Variants in CCDC102B observed in about 807,000 individuals in gnomAD.
CCDC102B encodes the protein coiled-coil domain containing 102B, also known as coiled-coil domain-containing protein 102B.
Under a neutral mutation model 57.4 loss-of-function variants are expected in CCDC102B, and 75 were observed. The ratio of observed to expected loss-of-function variants is 1.31; its 90% CI spans 1.08 to 1.58. The LOEUF is 1.58. CCDC102B is among the 40% of genes most tolerant of loss of function. The pLI is 0.00. For missense variants in CCDC102B, 636 were observed against 582.6 expected, an observed-to-expected ratio of 1.09 and a Z score of -0.94; for synonymous variants, 206 against 201.9, an observed-to-expected ratio of 1.02 and a Z score of -0.17.
intron 2 of CCDC102B, among the ~76,000 whole-genome samples, chr18:68,722,319 A>C (rs929822284): frequency 2.0e-5 from 3 of 152,208 alleles, no homozygotes; most frequent in African/African-American, 7.2e-5. Context: ...TAAATGGTCA[A>C]CTGAAGCTGC....
At chr18:68,837,906 A>C (rs563879238) in intron 2 of CCDC102B, among the ~76,000 whole-genome samples, 2 of 152,332 alleles carry the variant, frequency 1.3e-5, no homozygotes, top group East Asian at 1.9e-4. Flanking sequence ...GATGATTGCA[A>C]TGCTCATTCT....
intron 6 of CCDC102B, among the ~76,000 whole-genome samples, chr18:68,954,113 T>C (rs1456591189): frequency 6.6e-6 from 1 of 152,054 alleles, no homozygotes; most frequent in Non-Finnish European, 1.5e-5. Flanking sequence ...CATAGATCAA[T>C]TATCCTGTGT....
chr18:69,007,021 G>C (rs986934623), intron 6 of CCDC102B, among the ~76,000 whole-genome samples: 1 of 152,082 alleles, frequency 6.6e-6, no homozygotes, highest in Non-Finnish European at 1.5e-5. Flanking sequence ...AGAGAGAGAA[G>C]GTATGTGAAG....
At chr18:68,885,714 C>G (rs147352733) in intron 5 of CCDC102B, among the ~76,000 whole-genome samples, 439 of 152,088 alleles carry the variant, frequency 2.9e-3, no homozygotes, top group Admixed American at 4.8e-3. Flanking sequence ...CAAAAATTAT[C>G]AACTTCTGTA....
intron 7 of CCDC102B, among the ~76,000 whole-genome samples, chr18:69,029,379 G>A (rs1046320653): frequency 3.3e-5 from 5 of 152,074 alleles, no homozygotes; most frequent in African/African-American, 9.7e-5. Context: ...ATCTTTTAAA[G>A]GACACTTTTT....
chr18:68,958,027 A>T (rs1328645352), intron 6 of CCDC102B, among the ~76,000 whole-genome samples: 1 of 152,190 alleles, frequency 6.6e-6, no homozygotes, highest in Non-Finnish European at 1.5e-5. Flanking sequence ...GGGAGGCCTC[A>T]CAATCATGGC....
At chr18:68,868,024 C>A (rs2039079010) in intron 4 of CCDC102B, among the ~76,000 whole-genome samples, 1 of 151,942 alleles carries the variant, frequency 6.6e-6, no homozygotes, top group African/African-American at 2.4e-5. Context: ...AAAATCCAGA[C>A]AATTATCATT....
chr18:68,888,146 T>A (rs973108031), intron 5 of CCDC102B, among the ~76,000 whole-genome samples: 6 of 152,186 alleles, frequency 3.9e-5, no homozygotes, highest in African/African-American at 1.2e-4. Flanking sequence ...ATACTTTTTT[T>A]AAAGAACATA....
chr18:68,936,462 T>C (rs1408507544), intron 6 of CCDC102B, among the ~76,000 whole-genome samples: 1 of 152,020 alleles, frequency 6.6e-6, no homozygotes, highest in Non-Finnish European at 1.5e-5. Flanking sequence ...AGCCCCTTGG[T>C]ATAGAAGGAA....
chr18:68,741,294 A>AG (rs1251662173), intron 2 of CCDC102B, among the ~76,000 whole-genome samples: 3 of 152,226 alleles, frequency 2.0e-5, no homozygotes, highest in African/African-American at 7.2e-5. Flanking sequence ...CAGGCAGGAC[A>AG]GGGGGTCAAG....
At chr18:68,846,550 A>G (rs67139927) in intron 4 of CCDC102B, 129 bp downstream of exon 4, 191,110 of 509,340 alleles carry the variant, frequency 0.38, 37,945 homozygotes, top group East Asian at 0.61. Flanking sequence ...TTTCCTCTAT[A>G]AGAGTAATAC....
intron 4 of CCDC102B, among the ~76,000 whole-genome samples, chr18:68,854,416 A>G (rs1453438617): frequency 6.6e-6 from 1 of 152,212 alleles, no homozygotes; most frequent in African/African-American, 2.4e-5. Flanking sequence ...TACCTTTTCT[A>G]CAATACATAT....
At chr18:68,942,258 A>G (rs2049398368) in intron 6 of CCDC102B, among the ~76,000 whole-genome samples, 1 of 152,092 alleles carries the variant, frequency 6.6e-6, no homozygotes, top group African/African-American at 2.4e-5. Context: ...AGTTGCTGAT[A>G]GGATCAAAGA....
At chr18:68,767,676 C>A (rs2034512595) in intron 2 of CCDC102B, among the ~76,000 whole-genome samples, 1 of 152,124 alleles carries the variant, frequency 6.6e-6, no homozygotes, top group Admixed American at 6.5e-5. Flanking sequence ...CTGAAAAGCT[C>A]ATTCATATCA....
chr18:68,903,373 G>C (rs540031037), intron 6 of CCDC102B, among the ~76,000 whole-genome samples: 2 of 152,132 alleles, frequency 1.3e-5, no homozygotes, highest in Admixed American at 6.6e-5. Context: ...GAAAAGTGGG[G>C]TCTGTGCTCA....
chr18:68,913,173 A>T (rs898250647), intron 6 of CCDC102B, among the ~76,000 whole-genome samples: 3 of 152,174 alleles, frequency 2.0e-5, no homozygotes, highest in Admixed American at 1.3e-4. Context: ...TTCCCACAGC[A>T]TTTGGCAGCC....
At chr18:68,813,010 T>C (rs2036328168) in intron 1 of CCDC102B, among the ~76,000 whole-genome samples, 1 of 151,818 alleles carries the variant, frequency 6.6e-6, no homozygotes, top group Admixed American at 6.6e-5. Context: ...ATGGTTTGGC[T>C]CTGTGTCCCC....
intron 4 of CCDC102B, among the ~76,000 whole-genome samples, chr18:68,870,178 C>T (rs1183064993): frequency 6.6e-6 from 1 of 151,994 alleles, no homozygotes; most frequent in Admixed American, 6.6e-5. Flanking sequence ...GGGAACATCA[C>T]ACACCGGAGC....
At chr18:68,982,254 G>T (rs1416849797) in intron 6 of CCDC102B, among the ~76,000 whole-genome samples, 1 of 151,864 alleles carries the variant, frequency 6.6e-6, no homozygotes, top group Non-Finnish European at 1.5e-5. Context: ...AAACAATGAA[G>T]TATAATGCAT....
Sources: allele counts gnomAD v4.1 joint callset (sites outside exome capture counted in the v4.1 genomes callset), GRCh38; gene constraint gnomAD v4.1.1; transcripts MANE v1.5; gene names NCBI Gene and HGNC (gene_info 2026-07-23, HGNC 2026-07-21).